The following PTPRQ variants were observed in gnomAD, a reference collection of about 807,000 sequenced individuals.
PTPRQ encodes protein tyrosine phosphatase receptor type Q.
A neutral mutation model predicts 246.0 loss-of-function variants in PTPRQ; 199 were observed. The observed-to-expected ratio is 0.81, with a 90% confidence interval of 0.72 to 0.91. PTPRQ has a LOEUF of 0.91. Among genes scored for constraint, PTPRQ ranks in the 40% least tolerant of loss-of-function variants. PTPRQ has a pLI of 0.00. For missense variants in PTPRQ, 2,624 were observed against 2,528.4 expected (o/e 1.04, Z -0.81); for synonymous variants, 869 against 853.2 (o/e 1.02, Z -0.32).
chr12:80,580,291 T>C (rs1186895973), intron 25 of PTPRQ, among the ~76,000 whole-genome samples: 2 of 152,182 alleles, frequency 1.3e-5, no homozygotes, highest in Non-Finnish European at 2.9e-5. Context: ...TGTAATTTAG[T>C]GAATACCTTG....
chr12:80,633,733 G>A (rs1469714399), intron 34 of PTPRQ, among the ~76,000 whole-genome samples: 1 of 152,228 alleles, frequency 6.6e-6, no homozygotes, highest in Non-Finnish European at 1.5e-5. Flanking sequence ...AAGACAGTGA[G>A]AGAGTTATCA....
chr12:80,621,903 A>G (rs533059760), intron 32 of PTPRQ, among the ~76,000 whole-genome samples, 158 bp from the exon 33 acceptor site: 1 of 152,074 alleles, frequency 6.6e-6, no homozygotes, highest in Non-Finnish European at 1.5e-5. Flanking sequence ...TAAATATAGC[A>G]TATATTTCTC....
chr12:80,459,417 G>A lies in PTPRQ; in HGVS notation c.594G>A (p.Gly198=), dbSNP rs759064616. 4 of 398,326 alleles carry A rather than the reference G, an allele frequency of 1.0e-5. No homozygotes were observed. Among genetic ancestry groups the A allele is most frequent in the Non-Finnish European group, 1.3e-5 (3 of 226,000 alleles). 24.7% of individuals were successfully genotyped at this position (398,326 alleles called of 1,614,324 possible). A position where few individuals can be genotyped will look rare whatever the true frequency, so the allele number is the denominator to read the frequency against. Residue 198 remains glycine, a synonymous_variant, in exon 5 of 45, where the codon GGG becomes GGA. Transcript: ENST00000644991. ...TTAGTGTCAAGCATGCCAGAAGTGG[G>A]ATAGTAGTGAAAGATGTCTCAATCA... ...FKISVKHARS[G]IVVKDVSIRV...
At chr12:80,641,898 GCTCT>G (rs556917750) in intron 35 of PTPRQ, among the ~76,000 whole-genome samples, 1,584 of 129,308 alleles carry the variant, frequency 0.012, 10 homozygotes, top group Non-Finnish European at 0.019. Context: ...TCTCTCTCTC[GCTCT>G]CTCTCTTTCT....
chr12:80,591,642 T>C (rs1897807115), intron 26 of PTPRQ, among the ~76,000 whole-genome samples: 4 of 152,200 alleles, frequency 2.6e-5, no homozygotes, highest in Admixed American at 2.0e-4. Flanking sequence ...TAGGTATGGT[T>C]ATTTTGAACC....
intron 26 of PTPRQ, among the ~76,000 whole-genome samples, chr12:80,598,292 T>C (rs1296071715): frequency 2.0e-5 from 3 of 152,036 alleles, no homozygotes; most frequent in Non-Finnish European, 4.4e-5. Context: ...TTTCCTACAC[T>C]GACAGTGGTG....
At chr12:80,591,522 G>A (rs1427709340) in intron 26 of PTPRQ, among the ~76,000 whole-genome samples, 2 of 152,024 alleles carry the variant, frequency 1.3e-5, no homozygotes, top group Admixed American at 6.6e-5. Flanking sequence ...AGTTCTAGTG[G>A]GTAGGACAAA....
rs4609663 is a variant in PTPRQ, at chr12:80,471,540, G to T, written c.1040-565G>T. 6.2e-4 allele frequency among the ~76,000 whole-genome samples: 19 copies of T among 30,684 alleles called. 1 individual carries two copies. The highest frequency in any genetic ancestry group is 3.1e-3 in the African/African-American group (19 of 6,090). The allele number at this position is 30,684 out of a possible 152,430, so 20.1% of individuals were successfully genotyped here. A position where few individuals can be genotyped will look rare whatever the true frequency, so the allele number is the denominator to read the frequency against. ...TCGCCCAGGCTGGAGTGCAGTGGCG[G>T]GATCTCGGCTCACTGCAAGCTCCGC... On this transcript the variant is annotated intron_variant, in intron 7 of 44. Coordinates refer to ENST00000644991, the MANE Select transcript of PTPRQ (RefSeq NM_001145026.2).
At chr12:80,562,785 A>G (rs1896865136) in intron 25 of PTPRQ, among the ~76,000 whole-genome samples, 2 of 152,178 alleles carry the variant, frequency 1.3e-5, no homozygotes, top group Non-Finnish European at 2.9e-5. Flanking sequence ...GCAGAAATCA[A>G]TGAAATTGAA....
chr12:80,521,462 C>G (rs1312253189), intron 17 of PTPRQ, among the ~76,000 whole-genome samples: 5 of 152,040 alleles, frequency 3.3e-5, no homozygotes, highest in African/African-American at 7.2e-5. Flanking sequence ...AATGGTATTG[C>G]TTAGGTTTTC....
intron 17 of PTPRQ, among the ~76,000 whole-genome samples, chr12:80,524,107 A>C (rs1461629538): frequency 2.0e-5 from 3 of 152,158 alleles, no homozygotes; most frequent in Non-Finnish European, 2.9e-5. Context: ...TGATTCCTTT[A>C]GCATTATGTA....
In PTPRQ at chr12:80,669,343, G is replaced by C; in HGVS notation, c.6332G>C (p.Arg2111Thr). Residue 2111 changes from arginine to threonine, a missense_variant, in exon 41 of 45, where the codon AGA (arginine) becomes ACA (threonine). Physicochemically the swap from Arg to Thr is moderately conservative, Grantham distance 71. Coordinates refer to ENST00000644991, the MANE Select transcript of PTPRQ (RefSeq NM_001145026.2). ...GATGATTTTCTCTGAATGCAGATCAGATGCCATCAGTATTGGCCAGAGGAC... is the reference window on the plus strand; with the variant it reads ...GATGATTTTCTCTGAATGCAGATCACATGCCATCAGTATTGGCCAGAGGAC... ...LTQCFEKGRI[R>T]CHQYWPEDNK... 4 of 1,549,434 alleles carry C rather than the reference G, an allele frequency of 2.6e-6. No homozygotes were observed. Among genetic ancestry groups the C allele is most frequent in the Non-Finnish European group, 3.5e-6 (4 of 1,145,922 alleles).
intron 39 of PTPRQ, among the ~76,000 whole-genome samples, chr12:80,663,314 G>A (rs1030415167): frequency 6.6e-6 from 1 of 151,770 alleles, no homozygotes; most frequent in Non-Finnish European, 1.5e-5. Flanking sequence ...TATACAATAT[G>A]TGATATATTG....
At chr12:80,550,764 A>C (rs1298085091) in intron 25 of PTPRQ, among the ~76,000 whole-genome samples, 6 of 152,164 alleles carry the variant, frequency 3.9e-5, no homozygotes, top group Admixed American at 6.6e-5. Context: ...TAATTGTCCC[A>C]GCTGCTCCAA....
chr12:80,568,292 A>T (rs1897038428), intron 25 of PTPRQ, among the ~76,000 whole-genome samples: 1 of 152,076 alleles, frequency 6.6e-6, no homozygotes, highest in Non-Finnish European at 1.5e-5. Flanking sequence ...TTTTTTTCTC[A>T]TTGTTCAGCT....
chr12:80,656,056 T>A lies in PTPRQ; in HGVS notation c.6116-1929T>A, dbSNP rs542308937. On this transcript the variant is annotated intron_variant, in intron 38 of 44. Coordinates refer to ENST00000644991, the MANE Select transcript of PTPRQ (RefSeq NM_001145026.2). Reference sequence around the variant, plus strand: ...ACTCAGATAGTTATAAGGAGGTGTATCTAGTGAATAGAAACATAATGATTC... The same window carrying A: ...ACTCAGATAGTTATAAGGAGGTGTAACTAGTGAATAGAAACATAATGATTC... Among the ~76,000 whole-genome samples, 5 of 152,234 alleles carry A rather than the reference T, an allele frequency of 3.3e-5. No homozygotes were observed. In the East Asian group the frequency reaches 9.7e-4, roughly 29 times the overall value.
Position 80,480,353 on chromosome 12 carries a change from A to C in PTPRQ, c.1187-4080A>C, listed in dbSNP as rs1316487055. On this transcript the variant is annotated intron_variant, in intron 8 of 44. Coordinates refer to ENST00000644991, the MANE Select transcript of PTPRQ (RefSeq NM_001145026.2). ...GAACAAAGACACAACATACCAGAAT[A>C]TCTGGGACGCATTCAAAGCAGTGTG... Among the ~76,000 whole-genome samples, 86 of 152,176 alleles carry C rather than the reference A, an allele frequency of 5.7e-4. No individual in the cohort carries two copies. In the East Asian group the frequency reaches 6.8e-3, roughly 12 times the overall value.
rs906862481 is a variant in PTPRQ at position 80,630,219 on chromosome 12, A to T, written c.5687-1973A>T. Among the ~76,000 whole-genome samples, 29 of 152,088 alleles carry T rather than the reference A, an allele frequency of 1.9e-4. 1 individual carries two copies. The highest frequency in any genetic ancestry group is 2.9e-5 in the Non-Finnish European group (2 of 68,016). ...GTTCTGTTTCTTCTATTATTTTTTT[A>T]AAGAGCCTTCTTTTCTCCTTTCCTT... On this transcript the variant is annotated intron_variant, in intron 33 of 44. Coordinates refer to ENST00000644991, the MANE Select transcript of PTPRQ (RefSeq NM_001145026.2).
At chr12:80,511,046 C>A (rs754899997) in intron 17 of PTPRQ, among the ~76,000 whole-genome samples, 3 of 151,988 alleles carry the variant, frequency 2.0e-5, no homozygotes, top group African/African-American at 4.8e-5. Flanking sequence ...AATGTAAATC[C>A]TCTTTAGATT....
Sources: gnomAD v4.1 joint callset for allele counts (sites outside exome capture counted in the v4.1 genomes callset) on GRCh38, gnomAD v4.1.1 for gene constraint, MANE v1.5 for transcripts, NCBI Gene and HGNC (gene_info 2026-07-23, HGNC 2026-07-21) for gene names.